PRXL2A: variants seen among roughly 807,000 people sequenced by gnomAD.
PRXL2A encodes peroxiredoxin-like 2A.
PRXL2A carries 26 observed loss-of-function variants against 25.6 expected under a neutral mutation model. The observed-to-expected ratio is 1.02, with a 90% CI of 0.74 to 1.41. The LOEUF is 1.41. PRXL2A is among the 40% of genes most tolerant of loss of function. The pLI is 0.00. For missense variants in PRXL2A, 246 were observed against 273.9 expected, an observed-to-expected ratio of 0.90 and a Z score of 0.72; for synonymous variants, 98 against 102.9, an observed-to-expected ratio of 0.95 and a Z score of 0.29.
In PRXL2A at chr10:80,436,622, CCTT is replaced by C. The variant is rs1327315130; in HGVS notation, c.*4526_*4528del. On this transcript the variant is annotated 3_prime_UTR_variant, in exon 6 of 6. Coordinates refer to ENST00000606162, the MANE Select transcript of PRXL2A (RefSeq NM_032333.5). ...CCCAGAAGCAAAAGTTTCTCTCTGA[CCTT>C]CTCCTGCCCTCTTGTTTCTGGCTTT... The C allele has an allele frequency of 2.0e-5, 3 of 152,280 alleles. No individual in the cohort carries two copies. The highest frequency in any genetic ancestry group is 2.9e-5 in the Non-Finnish European group (2 of 68,128). The allele number at this position is 152,280 out of a possible 1,614,324, so 9.4% of individuals were successfully genotyped here. A position where few individuals can be genotyped will look rare whatever the true frequency, so the allele number is the denominator to read the frequency against.
chr10:80,409,734 G>C (rs919275523), intron 1 of PRXL2A, among the ~76,000 whole-genome samples: 3 of 152,136 alleles, frequency 2.0e-5, no homozygotes, highest in Non-Finnish European at 4.4e-5. Flanking sequence ...CGTTTTGAGG[G>C]TAATCATTGC....
upstream of PRXL2A, chr10:80,408,435 A>T (rs993043224): frequency 1.3e-5 from 2 of 152,148 alleles, no homozygotes; most frequent in Non-Finnish European, 2.9e-5. Context: ...CGCGGCCCGG[A>T]GGTCGGCGAG....
Position 80,420,534 on chromosome 10 carries a change from G to C in PRXL2A, c.67G>C (p.Gly23Arg), listed in dbSNP as rs983853597. 6.2e-7 allele frequency: 1 copy of C among 1,613,750 alleles called. No homozygotes were observed. Among genetic ancestry groups the C allele is most frequent in the African/African-American group, 1.3e-5 (1 of 74,926 alleles). Residue 23 changes from glycine (G) to arginine (R), a missense_variant, in exon 2 of 6, where the codon GGG becomes CGG. Physicochemically the swap from Gly to Arg is moderately radical, Grantham distance 125. Coordinates refer to ENST00000606162, the MANE Select transcript of PRXL2A (RefSeq NM_032333.5). ...GTGGTCCATTGGTGCAGGAGCCCTG[G>C]GGGCTGCTGCCTTGGCATTGCTGCT... ...GMWSIGAGAL[G>R]AAALALLLAN...
rs913078345 is a variant in PRXL2A, at chr10:80,429,799, C to G, written c.577-2187C>G. On this transcript the variant is annotated intron_variant, in intron 5 of 5. Coordinates refer to ENST00000606162, the MANE Select transcript of PRXL2A (RefSeq NM_032333.5). ...GCCCATCCTCTTCCCACTCTGACAA[C>G]GTGGGGTTCCTTCCCCTACCCGCCT... 2.6e-5 allele frequency among the ~76,000 whole-genome samples: 4 copies of G among 152,260 alleles called. No homozygotes were observed. The East Asian group carries it at 5.8e-4, about 22-fold the overall frequency.
intron 1 of PRXL2A, among the ~76,000 whole-genome samples, chr10:80,416,824 C>G (rs1450959972): frequency 1.3e-5 from 2 of 152,114 alleles, no homozygotes; most frequent in African/African-American, 2.4e-5. Context: ...TTCCTTAGTT[C>G]TAAGGTGGGG....
chr10:80,427,537 G>A (rs12768957), intron 5 of PRXL2A, 41 bp downstream of exon 5: 230,745 of 1,604,386 alleles, frequency 0.14, 19,046 homozygotes, highest in South Asian at 0.31. Flanking sequence ...AGGTGTCTGT[G>A]TCTGTGAGTG....
At chr10:80,415,193 T>C (rs11202832) in intron 1 of PRXL2A, among the ~76,000 whole-genome samples, 55,477 of 152,068 alleles carry the variant, frequency 0.36, 11,344 homozygotes, top group East Asian at 0.83. Flanking sequence ...TCACCACTGG[T>C]CCTGATAACA....
chr10:80,429,722 C>T (rs66586255), intron 5 of PRXL2A, among the ~76,000 whole-genome samples: 56,136 of 151,336 alleles, frequency 0.37, 12,293 homozygotes, highest in East Asian at 0.83. Context: ...TGTTTCCCAG[C>T]GACCACTTCC....
chr10:80,431,369 G>A (rs922722004), intron 5 of PRXL2A, among the ~76,000 whole-genome samples: 6 of 150,786 alleles, frequency 4.0e-5, no homozygotes, highest in East Asian at 2.0e-4. Flanking sequence ...GTTTCCAGAT[G>A]TAATGAATCA....
chr10:80,429,633 G>GCCCTGCCCCTAGCCTCTCCTGCCCTT (rs879455490), intron 5 of PRXL2A, among the ~76,000 whole-genome samples: 89 of 128,026 alleles, frequency 7.0e-4, no homozygotes, highest in Non-Finnish European at 1.1e-3. Flanking sequence ...CTCCTGCCCT[G>GCCCTGCCCCTAGCCTCTCCTGCCCTT]CCCTGCCCCT....
rs144383155 is a variant in PRXL2A at position 80,427,683 on chromosome 10, A to G, written c.576+187A>G. Among the ~76,000 whole-genome samples the G allele has an allele frequency of 1.3e-4, 20 of 152,354 alleles. No individual in the cohort carries two copies. The East Asian group carries it at 3.5e-3, about 26-fold the overall frequency. On this transcript the variant is annotated intron_variant, in intron 5 of 5. Transcript: ENST00000606162. Reference sequence around the variant, plus strand: ...TGTTTATCACACATCATTCTCTGCTAGTACCTCATACTTGAATCTACTCAC... The same window carrying G: ...TGTTTATCACACATCATTCTCTGCTGGTACCTCATACTTGAATCTACTCAC...
intron 3 of PRXL2A, 34 bp from the exon 4 acceptor site, chr10:80,425,832 G>C: frequency 1.9e-6 from 3 of 1,613,490 alleles, no homozygotes; most frequent in Non-Finnish European, 1.7e-6. Context: ...AGCCAGCTGG[G>C]ACAGATGTCC....
rs1564698926 is a variant in PRXL2A, at chr10:80,436,659, C to A, written c.*4560C>A. Reference sequence around the variant, plus strand: ...CTCTTGTTTCTGGCTTTTCATTCTCCCCCAAGGCTACCCATAGAAACTAGA... The same window carrying A: ...CTCTTGTTTCTGGCTTTTCATTCTCACCCAAGGCTACCCATAGAAACTAGA... On this transcript the variant is annotated 3_prime_UTR_variant, in exon 6 of 6. Transcript: ENST00000606162. 6.6e-6 allele frequency: 1 copy of A among 152,166 alleles called. No individual in the cohort carries two copies. Among genetic ancestry groups the A allele is most frequent in the Non-Finnish European group, 1.5e-5 (1 of 68,064 alleles). The allele number at this position is 152,166 out of a possible 1,614,324, so 9.4% of individuals were successfully genotyped here. A position where few individuals can be genotyped will look rare whatever the true frequency, so the allele number is the denominator to read the frequency against.
chr10:80,424,288 G>T (rs1047743041), intron 3 of PRXL2A, among the ~76,000 whole-genome samples: 8 of 151,306 alleles, frequency 5.3e-5, no homozygotes, highest in African/African-American at 1.9e-4. Flanking sequence ...TTTCATCTCA[G>T]CCAGGTGCAG....
rs1179119780 is a variant in PRXL2A at position 80,432,841 on chromosome 10, T to C, written c.*742T>C. On this transcript the variant is annotated 3_prime_UTR_variant, in exon 6 of 6. Coordinates refer to ENST00000606162, the MANE Select transcript of PRXL2A (RefSeq NM_032333.5). ...TGGTTATATGATGTCAAAGTAATAC[T>C]TTCATAATAGAATTGACATGCTCTG... 1 of 152,174 alleles carries C rather than the reference T, an allele frequency of 6.6e-6. No homozygotes were observed. Among genetic ancestry groups the C allele is most frequent in the African/African-American group, 2.4e-5 (1 of 41,440 alleles). The allele number at this position is 152,174 out of a possible 1,614,324, so 9.4% of individuals were successfully genotyped here.
At position 80,422,632 on chromosome 10, in the gene PRXL2A, A is replaced by G. The variant is rs115742232; in HGVS notation, c.270+124A>G. The G allele has an allele frequency of 3.1e-3, 1,807 of 584,014 alleles. 17 individuals carry two copies. In the African/African-American group the frequency reaches 0.033, roughly 11 times the overall value. 36.2% of individuals were successfully genotyped at this position (584,014 alleles called of 1,614,324 possible). Reference sequence around the variant, plus strand: ...TTTTACCCACATGTTCTGTTCTGTTATTTGCTCTAGGTATTTCTTTGATTT... The same window carrying G: ...TTTTACCCACATGTTCTGTTCTGTTGTTTGCTCTAGGTATTTCTTTGATTT... On this transcript the variant is annotated intron_variant, in intron 3 of 5. Transcript: ENST00000606162.
intron 1 of PRXL2A, among the ~76,000 whole-genome samples, chr10:80,409,982 C>T (rs1473869490): frequency 6.6e-6 from 1 of 152,158 alleles, no homozygotes; most frequent in Non-Finnish European, 1.5e-5. Context: ...TTTATAAGAG[C>T]ATGTCATTTA....
At chr10:80,420,132 C>A (rs561487035) in intron 1 of PRXL2A, 3 of 1,003,850 alleles carry the variant, frequency 3.0e-6, no homozygotes, top group Admixed American at 6.0e-5. Flanking sequence ...GGACATAGCT[C>A]GGCACAGCTC....
rs557195632 is a variant in PRXL2A at position 80,436,116 on chromosome 10, T to A, written c.*4017T>A. ...ATCTCTGGGGTAGGCCCCAAGCAAC[T>A]TTTTTTTTTTTTTTTTTAGATAGAA... On this transcript the variant is annotated 3_prime_UTR_variant, in exon 6 of 6. Coordinates refer to ENST00000606162, the MANE Select transcript of PRXL2A (RefSeq NM_032333.5). 2 of 52,716 alleles carry A rather than the reference T, an allele frequency of 3.8e-5. No individual in the cohort carries two copies. The highest frequency in any genetic ancestry group is 9.3e-5 in the Non-Finnish European group (2 of 21,392). The allele number at this position is 52,716 out of a possible 1,614,324, so 3.3% of individuals were successfully genotyped here.
Sources: gnomAD v4.1 joint callset for allele counts (sites outside exome capture counted in the v4.1 genomes callset) on GRCh38, gnomAD v4.1.1 for gene constraint, MANE v1.5 for transcripts, NCBI Gene and HGNC (gene_info 2026-07-23, HGNC 2026-07-21) for gene names.